The following MYO9A variants were observed in gnomAD, a reference collection of about 807,000 sequenced individuals.
MYO9A encodes the protein myosin IXA, also known as unconventional myosin-IXa.
MYO9A carries 103 observed loss-of-function variants against 293.3 expected under a neutral mutation model. The ratio of observed to expected loss-of-function variants is 0.35; its 90% CI spans 0.30 to 0.41. MYO9A has a LOEUF of 0.41. MYO9A is among the 10% of genes least tolerant of loss of function. MYO9A has a pLI of 1.00. For missense variants in MYO9A, 2,685 were observed against 3,033.0 expected, an observed-to-expected ratio of 0.89 and a Z score of 2.69; for synonymous variants, 1,001 against 1,035.7, an observed-to-expected ratio of 0.97 and a Z score of 0.64.
intron 1 of MYO9A, among the ~76,000 whole-genome samples, chr15:72,053,108 C>CT (rs1196834475): frequency 2.0e-5 from 3 of 151,970 alleles, no homozygotes; most frequent in Admixed American, 6.6e-5. Flanking sequence ...CTAAAAAAGA[C>CT]TTTTTTTTAG....
At position 72,037,513 on chromosome 15, in the gene MYO9A, G is replaced by A. The variant is rs28429589; in HGVS notation, c.841-4925C>T. Among the ~76,000 whole-genome samples, 856 of 152,216 alleles carry A rather than the reference G, an allele frequency of 5.6e-3. 11 individuals carry two copies. The highest frequency in any genetic ancestry group is 0.02 in the African/African-American group (810 of 41,532). ...GTTGACAACCGCTTGGCTGAGTACT[G>A]AAGGGGTGAGTCAACAAACACACAG... On this transcript the variant is annotated intron_variant, in intron 2 of 41. Transcript: ENST00000356056.
chr15:71,962,187 C>A (rs546247599), intron 13 of MYO9A, among the ~76,000 whole-genome samples: 1 of 152,230 alleles, frequency 6.6e-6, no homozygotes, highest in South Asian at 2.1e-4. Context: ...AAGGGCCCAG[C>A]CTGATATTAC....
chr15:71,979,228 A>G (rs1034315755), intron 11 of MYO9A, among the ~76,000 whole-genome samples: 2 of 152,210 alleles, frequency 1.3e-5, no homozygotes, highest in Non-Finnish European at 2.9e-5. Context: ...TCTAACTAGG[A>G]AAGGTAAATA....
intron 18 of MYO9A, among the ~76,000 whole-genome samples, chr15:71,928,049 TA>T (rs1170852979): frequency 3.2e-3 from 37 of 11,436 alleles, no homozygotes; most frequent in African/African-American, 5.1e-3. Context: ...TATATATATA[TA>T]TATATATTTT....
At chr15:71,883,957 A>C (rs1185486564) in intron 27 of MYO9A, among the ~76,000 whole-genome samples, 7 of 151,984 alleles carry the variant, frequency 4.6e-5, no homozygotes, top group African/African-American at 1.7e-4. Context: ...TTCTATATTC[A>C]GATGAGGAAA....
intron 1 of MYO9A, among the ~76,000 whole-genome samples, chr15:72,112,241 C>T (rs1048968955): frequency 6.6e-6 from 1 of 152,048 alleles, no homozygotes; most frequent in Non-Finnish European, 1.5e-5. Flanking sequence ...AAAAAACACA[C>T]ACAATTTTTA....
At chr15:71,856,257 G>A (rs1596038711) in intron 34 of MYO9A, among the ~76,000 whole-genome samples, 1 of 152,156 alleles carries the variant, frequency 6.6e-6, no homozygotes, top group South Asian at 2.1e-4. Flanking sequence ...GTTGCAGTGA[G>A]CCAAGATCAC....
chr15:72,045,738 C>T lies in MYO9A; in HGVS notation c.826G>A (p.Gly276Arg). Residue 276 changes from glycine (G) to arginine (R), a missense_variant, in exon 2 of 42, where the codon GGA (glycine) becomes AGA (arginine). This residue lies in a region of MYO9A where 289 missense variants were observed against 456.8 expected (regional missense o/e 0.63). Transcript: ENST00000356056. The part of the protein sequence containing the change: ...SGVEQIILGA[G>R]PVLEAFGNAK... Reference sequence around the variant, plus strand: ...TATATATTTACCTCAAGTACTGGTCCAGCTCCAAGAATAATCTGTTCTACT... The same window carrying T: ...TATATATTTACCTCAAGTACTGGTCTAGCTCCAAGAATAATCTGTTCTACT... The T allele has an allele frequency of 6.3e-7, 1 of 1,599,096 alleles. No homozygotes were observed.
chr15:72,089,493 T>C (rs2079840201), intron 1 of MYO9A, among the ~76,000 whole-genome samples: 1 of 151,902 alleles, frequency 6.6e-6, no homozygotes. Flanking sequence ...TCAAGAACCG[T>C]ATGAGCTGGG....
chr15:71,926,830 G>A (rs1476244980), intron 18 of MYO9A, among the ~76,000 whole-genome samples: 1 of 152,158 alleles, frequency 6.6e-6, no homozygotes, highest in African/African-American at 2.4e-5. Flanking sequence ...ACCCTGCAGG[G>A]TACACATGCA....
At chr15:72,003,016 TC>T (rs1313141257) in intron 8 of MYO9A, among the ~76,000 whole-genome samples, 2 of 152,120 alleles carry the variant, frequency 1.3e-5, no homozygotes, top group African/African-American at 4.8e-5. Context: ...ATGCCTGTAA[TC>T]CCAGCACTTT....
rs573985096 is a variant in MYO9A, at chr15:71,978,059, T to C, written c.1844+112A>G. On this transcript the variant is annotated intron_variant, in intron 12 of 41. Coordinates refer to ENST00000356056, the MANE Select transcript of MYO9A (RefSeq NM_006901.4). The stretch of plus-strand genomic sequence containing the variant: ...CTCAAAAATAAATAAAAAAATAAAT[T>C]GTACAAAAAAAATTTGGCTCTTTAT... The C allele has an allele frequency of 4.1e-6, 5 of 1,217,606 alleles. No individual in the cohort carries two copies. The Admixed American group carries it at 9.1e-5, about 22-fold the overall frequency. 75.4% of individuals were successfully genotyped at this position (1,217,606 alleles called of 1,614,324 possible).
chr15:71,841,859 CT>C (rs1429164093), intron 39 of MYO9A, among the ~76,000 whole-genome samples: 1 of 150,698 alleles, frequency 6.6e-6, no homozygotes, highest in East Asian at 2.0e-4. Flanking sequence ...GTTGCCCAGG[CT>C]GGTCTCAAAC....
chr15:71,857,167 A>G (rs1596040653), intron 34 of MYO9A, among the ~76,000 whole-genome samples: 2 of 152,232 alleles, frequency 1.3e-5, no homozygotes, highest in East Asian at 3.8e-4. Flanking sequence ...CAAAAACTTT[A>G]AAAATAACTT....
intron 39 of MYO9A, among the ~76,000 whole-genome samples, chr15:71,845,131 C>T (rs1275029100): frequency 6.6e-6 from 1 of 152,134 alleles, no homozygotes; most frequent in Non-Finnish European, 1.5e-5. Flanking sequence ...AGACCACTTC[C>T]TGAGGAGTTT....
chr15:72,030,183 A>C (rs1408040859), intron 3 of MYO9A, among the ~76,000 whole-genome samples: 1 of 152,220 alleles, frequency 6.6e-6, no homozygotes, highest in East Asian at 1.9e-4. Context: ...CTAAATTACC[A>C]AAACAGGCTC....
intron 2 of MYO9A, among the ~76,000 whole-genome samples, chr15:72,040,986 T>G (rs528083135): frequency 5.3e-5 from 8 of 152,126 alleles, no homozygotes; most frequent in Non-Finnish European, 1.2e-4. Flanking sequence ...TTTAAAAGCT[T>G]GTAATTCTAG....
intron 1 of MYO9A, among the ~76,000 whole-genome samples, chr15:72,062,221 T>C (rs2150010520): frequency 6.6e-6 from 1 of 152,238 alleles, no homozygotes; most frequent in East Asian, 1.9e-4. Flanking sequence ...CTTGAAAACC[T>C]TCTAAAGGAG....
rs2054386468 is a variant in MYO9A, at chr15:71,824,424, T to TTTTGC, written c.*2155_*2156insGCAAA. ...ATTCCTCTGGGCCACAGGAAATTAT[T>TTTTGC]CCATAAGGGCAATCTCTTTTTTTCA... On this transcript the variant is annotated 3_prime_UTR_variant, in exon 42 of 42. Coordinates refer to ENST00000356056, the MANE Select transcript of MYO9A (RefSeq NM_006901.4). The TTTTGC allele has an allele frequency of 6.6e-6, 1 of 152,146 alleles. No homozygotes were observed. The highest frequency in any genetic ancestry group is 2.4e-5 in the African/African-American group (1 of 41,432). 9.4% of individuals were successfully genotyped at this position (152,146 alleles called of 1,614,324 possible). A position where few individuals can be genotyped will look rare whatever the true frequency, so the allele number is the denominator to read the frequency against.
Sources: allele counts gnomAD v4.1 joint callset (sites outside exome capture counted in the v4.1 genomes callset), GRCh38; gene constraint gnomAD v4.1.1; regional missense constraint gnomAD v4.1.1; transcripts MANE v1.5; gene names NCBI Gene and HGNC (gene_info 2026-07-23, HGNC 2026-07-21).